The following MPZL3 variants were observed in gnomAD, a reference collection of about 807,000 sequenced individuals.
The protein encoded by MPZL3 is myelin protein zero-like protein 3.
A neutral mutation model predicts 24.8 loss-of-function variants in MPZL3; 23 were observed. The observed-to-expected ratio is 0.93, with a 90% CI of 0.67 to 1.31. The LOEUF (loss-of-function observed/expected upper bound fraction) is 1.31. Among genes scored for constraint, MPZL3 ranks in the 40% most tolerant of loss-of-function variants. The pLI, the probability that MPZL3 is intolerant of heterozygous loss-of-function variation, is 0.00. For synonymous variants in MPZL3, 99 were observed against 106.5 expected (o/e 0.93, Z 0.44); for missense variants, 277 against 294.9 (o/e 0.94, Z 0.44).
Position 118,252,157 on chromosome 11 carries a change from G to A in MPZL3, c.73+65C>T. ...TCTGGAGACCCCCCTACCCGGAACC[G>A]GAAAAGCGACCATCTTCCCTAACCC... is the stretch of plus-strand genomic sequence containing the variant. On this transcript the variant is annotated intron_variant, in intron 1 of 5. Transcript: ENST00000278949. The A allele has an allele frequency of 2.6e-6, 4 of 1,568,218 alleles. 1 individual carries two copies. The South Asian group carries it at 4.4e-5, about 17-fold the overall frequency.
rs766147377 is a variant in MPZL3 at position 118,240,241 on chromosome 11, A to G, written c.210T>C (p.Tyr70=). 5 of 1,575,076 alleles carry G rather than the reference A, an allele frequency of 3.2e-6. No homozygotes were observed. The Admixed American group carries it at 1.0e-4, about 32-fold the overall frequency. The change falls in exon 2 of 6, where the codon TAT becomes TAC. Residue 70 remains tyrosine (Y), a synonymous_variant. Transcript: ENST00000278949. ...VTDKLTIDWT[Y]RPPSSSHTVS... ...CTGTGTGGCTGCTGCTGGGAGGGCG[A>G]TATGTCCAGTCTATAGTAAGTTTGT...
intron 1 of MPZL3, among the ~76,000 whole-genome samples, chr11:118,243,100 T>C (rs1327873198): frequency 1.3e-5 from 2 of 152,168 alleles, no homozygotes; most frequent in Non-Finnish European, 2.9e-5. Context: ...ACTAGGCTAG[T>C]TGTGAACAAG....
At position 118,237,099 on chromosome 11, in the gene MPZL3, TG is replaced by T. The variant is rs1565493013; in HGVS notation, c.401del (p.Pro134GlnfsTer9). 4.3e-6 allele frequency: 7 copies of T among 1,614,080 alleles called. No homozygotes were observed. Among genetic ancestry groups the T allele is most frequent in the Non-Finnish European group, 5.9e-6 (7 of 1,179,954 alleles). On this transcript the variant is annotated frameshift_variant, in exon 3 of 6. Coordinates refer to ENST00000278949, the MANE Select transcript of MPZL3 (RefSeq NM_198275.3). ...GTFSCAVKNPPDVHHNIPMTE... is the reference protein window; with the variant it reads ...GTFSCAVKNPXDVHHNIPMTE... Reference sequence around the variant, plus strand: ...TCATGGGAATATTATGATGCACATCTGGGGGATTCTTCACAGCACAGCTGAA... The same window carrying T: ...TCATGGGAATATTATGATGCACATCTGGGGATTCTTCACAGCACAGCTGAA...
chr11:118,245,856 C>A (rs1176368612), intron 1 of MPZL3, among the ~76,000 whole-genome samples: 1 of 152,132 alleles, frequency 6.6e-6, no homozygotes, highest in Admixed American at 6.6e-5. Context: ...CAGCCATGTT[C>A]ATTTGTTGAT....
rs1160422519 is a variant in MPZL3, at chr11:118,229,414, G to GA, written c.*479dup. ...ATACGCCCTATACTAACTCACAGCT[G>GA]AAAGTGTACATGGAGCAAAAAACAA... is the stretch of plus-strand genomic sequence containing the variant. On this transcript the variant is annotated 3_prime_UTR_variant, in exon 6 of 6. Transcript: ENST00000278949. 6.3e-6 allele frequency: 1 copy of GA among 158,022 alleles called. No homozygotes were observed. Among genetic ancestry groups the GA allele is most frequent in the East Asian group, 1.9e-4 (1 of 5,352 alleles). The allele number at this position is 158,022 out of a possible 1,614,324, so 9.8% of individuals were successfully genotyped here. A position where few individuals can be genotyped will look rare whatever the true frequency, so the allele number is the denominator to read the frequency against.
At position 118,228,856 on chromosome 11, in the gene MPZL3, CA is replaced by C. The variant is rs1435722438; in HGVS notation, c.*1037del. ...AGAAAATAAAATAACAGGCCAAGCACAGTGGCTCATGCCTGTAATCCCAACA... is the reference window on the plus strand; with the variant it reads ...AGAAAATAAAATAACAGGCCAAGCACGTGGCTCATGCCTGTAATCCCAACA... On this transcript the variant is annotated 3_prime_UTR_variant, in exon 6 of 6. Transcript: ENST00000278949. The C allele has an allele frequency of 2.0e-5, 3 of 152,152 alleles. No homozygotes were observed. Among genetic ancestry groups the C allele is most frequent in the Non-Finnish European group, 2.9e-5 (2 of 68,034 alleles). The allele number at this position is 152,152 out of a possible 1,614,324, so 9.4% of individuals were successfully genotyped here.
chr11:118,233,419 T>C, intron 5 of MPZL3, 41 bp downstream of exon 5: 1 of 1,609,884 alleles, frequency 6.2e-7, no homozygotes. Flanking sequence ...AGCAGGAAAG[T>C]GGGACATCAA....
chr11:118,243,386 C>A (rs1310387171), intron 1 of MPZL3, among the ~76,000 whole-genome samples: 3 of 152,190 alleles, frequency 2.0e-5, no homozygotes, highest in South Asian at 4.1e-4. Flanking sequence ...TTACTTCCAA[C>A]CTGAAAGGAT....
At chr11:118,236,192 CTG>C (rs1478604668) in intron 3 of MPZL3, among the ~76,000 whole-genome samples, 1 of 152,136 alleles carries the variant, frequency 6.6e-6, no homozygotes, top group Non-Finnish European at 1.5e-5. Context: ...TCCAGCAAAA[CTG>C]TATCATTTTA....
In MPZL3 at chr11:118,228,913, G is replaced by A. The variant is rs1233812600; in HGVS notation, c.*981C>T. On this transcript the variant is annotated 3_prime_UTR_variant, in exon 6 of 6. Transcript: ENST00000278949. ...GGAGGCCGAGGCAGGTGGATCACGA[G>A]GTCAGGGGATTGAGACCATCCTGGC... is the stretch of plus-strand genomic sequence containing the variant. 1 of 152,192 alleles carries A rather than the reference G, an allele frequency of 6.6e-6. No individual in the cohort carries two copies. The highest frequency in any genetic ancestry group is 2.4e-5 in the African/African-American group (1 of 41,422). The allele number at this position is 152,192 out of a possible 1,614,324, so 9.4% of individuals were successfully genotyped here. A position where few individuals can be genotyped will look rare whatever the true frequency, so the allele number is the denominator to read the frequency against.
At chr11:118,237,869 G>A (rs1241641101) in intron 2 of MPZL3, among the ~76,000 whole-genome samples, 1 of 152,166 alleles carries the variant, frequency 6.6e-6, no homozygotes, top group Admixed American at 6.5e-5. Flanking sequence ...GGTCATGGTG[G>A]CTCACGCCTG....
intron 1 of MPZL3, among the ~76,000 whole-genome samples, chr11:118,249,932 C>A (rs148716965): frequency 6.6e-6 from 1 of 152,208 alleles, no homozygotes; most frequent in Non-Finnish European, 1.5e-5. Context: ...ACCTTGAAAA[C>A]ATGCAAAGTG....
chr11:118,246,472 A>G (rs947039503), intron 1 of MPZL3, among the ~76,000 whole-genome samples: 4 of 151,106 alleles, frequency 2.6e-5, no homozygotes, highest in African/African-American at 9.7e-5. Flanking sequence ...CACACAGCCT[A>G]TGAGCTAGGA....
chr11:118,248,389 T>C (rs1262211216), intron 1 of MPZL3, among the ~76,000 whole-genome samples: 1 of 152,196 alleles, frequency 6.6e-6, no homozygotes. Context: ...TAAATTATAG[T>C]AAATTTTGGT....
intron 1 of MPZL3, among the ~76,000 whole-genome samples, chr11:118,251,085 G>GTT (rs1491007327): frequency 2.8e-5 from 1 of 36,160 alleles, no homozygotes; most frequent in African/African-American, 9.9e-5. Flanking sequence ...TCTCGTGTGT[G>GTT]TGTGTGTGTG....
intron 2 of MPZL3, among the ~76,000 whole-genome samples, chr11:118,238,568 G>A (rs1464333680): frequency 6.6e-6 from 1 of 152,142 alleles, no homozygotes; most frequent in African/African-American, 2.4e-5. Flanking sequence ...TTGTTACTTG[G>A]TACCTTCCCA....
intron 1 of MPZL3, among the ~76,000 whole-genome samples, chr11:118,243,036 ACTC>A (rs1222002480): frequency 6.6e-6 from 1 of 151,696 alleles, no homozygotes. Flanking sequence ...ACTCCCCTAC[ACTC>A]CTATCTTTCC....
At chr11:118,246,585 C>CTTTTTTTT (rs71301655) in intron 1 of MPZL3, among the ~76,000 whole-genome samples, 19 of 123,236 alleles carry the variant, frequency 1.5e-4, no homozygotes, top group Admixed American at 3.4e-4. Context: ...TTTTTCTTTT[C>CTTTTTTTT]TTTTTTTTTT....
At chr11:118,250,866 A>T (rs1949613018) in intron 1 of MPZL3, among the ~76,000 whole-genome samples, 1 of 152,144 alleles carries the variant, frequency 6.6e-6, no homozygotes, top group Non-Finnish European at 1.5e-5. Context: ...ATTACAGGCA[A>T]GAACCACCAC....
Sources: gnomAD v4.1 joint callset for allele counts (sites outside exome capture counted in the v4.1 genomes callset) on GRCh38, gnomAD v4.1.1 for gene constraint, MANE v1.5 for transcripts, NCBI Gene and HGNC (gene_info 2026-07-23, HGNC 2026-07-21) for gene names.